Variants in ZNF106 observed in about 807,000 individuals in gnomAD.
ZNF106 encodes zinc finger protein 106, also known as SH3-domain binding protein 3.
ZNF106 carries 67 observed loss-of-function variants against 195.1 expected under a neutral mutation model. That is an observed-to-expected ratio of 0.34 (90% CI 0.28 to 0.42). The LOEUF (loss-of-function observed/expected upper bound fraction) is 0.42. Ranked by LOEUF, ZNF106 falls within the 10% of genes least tolerant of loss-of-function variation. ZNF106 has a pLI of 1.00. For synonymous variants in ZNF106, 784 were observed against 818.6 expected, an observed-to-expected ratio of 0.96 and a Z score of 0.72; for missense variants, 2,118 against 2,304.5, an observed-to-expected ratio of 0.92 and a Z score of 1.66.
intron 11 of ZNF106, 62 bp from the exon 12 acceptor site, chr15:42,438,729 A>C (rs2055380811): frequency 6.7e-7 from 1 of 1,498,518 alleles, no homozygotes; most frequent in African/African-American, 1.4e-5. Flanking sequence ...AGTAAAAGTA[A>C]AAATTTCTGA....
chr15:42,440,664 C>CA (rs1025438664), intron 10 of ZNF106, among the ~76,000 whole-genome samples: 1 of 151,844 alleles, frequency 6.6e-6, no homozygotes, highest in African/African-American at 2.4e-5. Context: ...ACTATGTACC[C>CA]ACAAAAATTT....
rs2054333907 is a variant in ZNF106, at chr15:42,413,351, G to C, written c.*3953C>G. 1 of 152,138 alleles carries C rather than the reference G, an allele frequency of 6.6e-6. No individual in the cohort carries two copies. Among genetic ancestry groups the C allele is most frequent in the Non-Finnish European group, 1.5e-5 (1 of 68,018 alleles). The allele number at this position is 152,138 out of a possible 1,614,324, so 9.4% of individuals were successfully genotyped here. On this transcript the variant is annotated 3_prime_UTR_variant, in exon 22 of 22. Coordinates refer to ENST00000564754, the MANE Select transcript of ZNF106 (RefSeq NM_001366845.3). ...AAACCCGAGGAACCTGATGATTTGG[G>C]GGCAGGGATAAAACCATTATTTTAT... is the stretch of plus-strand genomic sequence containing the variant.
intron 3 of ZNF106, 31 bp from the exon 4 acceptor site, chr15:42,457,189 A>G (rs752021287): frequency 1.1e-5 from 18 of 1,613,748 alleles, no homozygotes; most frequent in South Asian, 3.3e-5. Flanking sequence ...GGGACATTCA[A>G]TTCTCCCCAC....
rs183972613 is a variant in ZNF106 at position 42,417,045 on chromosome 15, A to T, written c.*259T>A. On this transcript the variant is annotated 3_prime_UTR_variant, in exon 22 of 22. Coordinates refer to ENST00000564754, the MANE Select transcript of ZNF106 (RefSeq NM_001366845.3). ...AACATCTGGAGAACGCAAATAGCAT[A>T]TATCACTATATGCCATGCTGTCCCA... The T allele has an allele frequency of 2.3e-4, 94 of 408,220 alleles. No homozygotes were observed. In the East Asian group the frequency reaches 4.0e-3, roughly 17 times the overall value. 25.3% of individuals were successfully genotyped at this position (408,220 alleles called of 1,614,324 possible). A position where few individuals can be genotyped will look rare whatever the true frequency, so the allele number is the denominator to read the frequency against.
intron 2 of ZNF106, among the ~76,000 whole-genome samples, chr15:42,469,522 C>T (rs1455060483): frequency 6.6e-6 from 1 of 152,050 alleles, no homozygotes; most frequent in Non-Finnish European, 1.5e-5. Context: ...AACATTGAGA[C>T]AACTGAGCTT....
intron 17 of ZNF106, among the ~76,000 whole-genome samples, chr15:42,423,408 A>C (rs1211657187): frequency 3.3e-5 from 5 of 151,610 alleles, no homozygotes; most frequent in Non-Finnish European, 7.4e-5. Context: ...ATGGGGTCTC[A>C]CTTGGTCACC....
intron 6 of ZNF106, 126 bp downstream of exon 6, chr15:42,447,946 C>A: frequency 8.7e-7 from 1 of 1,149,794 alleles, no homozygotes; most frequent in Admixed American, 2.3e-5. Context: ...AAGAACCTCA[C>A]AATTCTTCTA....
At chr15:42,465,944 TA>T in intron 3 of ZNF106, 108 bp downstream of exon 3, 1 of 882,182 alleles carries the variant, frequency 1.1e-6, no homozygotes, top group Non-Finnish European at 1.7e-6. Flanking sequence ...TTCTACGCCA[TA>T]AGACAACATT....
intron 9 of ZNF106, among the ~76,000 whole-genome samples, chr15:42,443,729 C>CA (rs1432749669): frequency 3.4e-5 from 5 of 148,370 alleles, no homozygotes; most frequent in South Asian, 2.1e-4. Flanking sequence ...GACCCTGTCT[C>CA]AAAAAAACAA....
At position 42,472,293 on chromosome 15, in the gene ZNF106, G is replaced by A; in HGVS notation, c.-4C>T. On this transcript the variant is annotated 5_prime_UTR_variant, in exon 2 of 22. Transcript: ENST00000564754. ...TGCATTTTCGTTCTCGTACCATAGT[G>A]ACCAGATCTGAAGCACTCAACGTCA... 6.5e-7 allele frequency: 1 copy of A among 1,535,596 alleles called. No homozygotes were observed. Among genetic ancestry groups the A allele is most frequent in the East Asian group, 2.4e-5 (1 of 40,898 alleles).
intron 14 of ZNF106, among the ~76,000 whole-genome samples, chr15:42,429,684 T>C (rs1390854626): frequency 6.6e-6 from 1 of 151,992 alleles, no homozygotes; most frequent in Non-Finnish European, 1.5e-5. Flanking sequence ...TATGAAATTG[T>C]AAGATACAGC....
chr15:42,425,746 C>T (rs914991970), intron 15 of ZNF106: 1 of 152,190 alleles, frequency 6.6e-6, no homozygotes. Flanking sequence ...GGTGATCTGC[C>T]TGCCTCAGCC....
intron 3 of ZNF106, chr15:42,457,573 A>G (rs2056271362): frequency 3.0e-6 from 3 of 1,007,504 alleles, no homozygotes; most frequent in Non-Finnish European, 3.6e-6. Flanking sequence ...TCTTTAGTCT[A>G]GAGCTTTCTT....
chr15:42,418,558 T>TTTTTA (rs1256860572), intron 20 of ZNF106, among the ~76,000 whole-genome samples: 1 of 141,266 alleles, frequency 7.1e-6, no homozygotes, highest in Admixed American at 7.5e-5. Context: ...TTTTTTTTTT[T>TTTTTA]AGTAAAGACA....
chr15:42,474,409 T>C (rs1308871004), intron 1 of ZNF106, among the ~76,000 whole-genome samples: 1 of 152,218 alleles, frequency 6.6e-6, no homozygotes, highest in African/African-American at 2.4e-5. Context: ...TTATTCCAAA[T>C]GGAACTATCC....
At chr15:42,461,632 T>C (rs2056393856) in intron 3 of ZNF106, among the ~76,000 whole-genome samples, 1 of 152,242 alleles carries the variant, frequency 6.6e-6, no homozygotes, top group Admixed American at 6.5e-5. Flanking sequence ...TCCACAGCCA[T>C]GAACCAAGTA....
At position 42,428,549 on chromosome 15, in the gene ZNF106, C is replaced by G. The variant is rs188100281; in HGVS notation, c.4882-415G>C. 3.9e-4 allele frequency among the ~76,000 whole-genome samples: 60 copies of G among 152,246 alleles called. 1 individual carries two copies. Among genetic ancestry groups the G allele is most frequent in the African/African-American group, 1.4e-3 (59 of 41,532 alleles). On this transcript the variant is annotated intron_variant, in intron 14 of 21. Transcript: ENST00000564754. ...AATATGTGGTTTTCCGCACATGATT[C>G]TCTATTTCAATAGCTCCCAAATGTC...
chr15:42,426,169 T>C (rs1272205355), intron 15 of ZNF106, among the ~76,000 whole-genome samples: 1 of 152,194 alleles, frequency 6.6e-6, no homozygotes, highest in Non-Finnish European at 1.5e-5. Flanking sequence ...CCTGGCTCTC[T>C]GTTGTGACTC....
chr15:42,421,043 AAG>A lies in ZNF106; in HGVS notation c.5517+16_5517+17del, dbSNP rs2054635447. 1.9e-6 allele frequency: 3 copies of A among 1,612,996 alleles called. No homozygotes were observed. The highest frequency in any genetic ancestry group is 1.3e-5 in the African/African-American group (1 of 74,922). ...CAACCTATAGAAGTCCAGTGACAGG[AAG>A]AGTTTCACTCCTTACCCAACAGCGG... On this transcript the variant is annotated intron_variant, in intron 20 of 21. Coordinates refer to ENST00000564754, the MANE Select transcript of ZNF106 (RefSeq NM_001366845.3).
Sources: gnomAD v4.1 joint callset for allele counts (sites outside exome capture counted in the v4.1 genomes callset) on GRCh38, gnomAD v4.1.1 for gene constraint, MANE v1.5 for transcripts, NCBI Gene and HGNC (gene_info 2026-07-23, HGNC 2026-07-21) for gene names.